ATP13A1: variants seen among roughly 807,000 people sequenced by gnomAD.
The protein encoded by ATP13A1 is endoplasmic reticulum transmembrane helix translocase.
A neutral mutation model predicts 134.8 loss-of-function variants in ATP13A1; 55 were observed. The ratio of observed to expected loss-of-function variants is 0.41; its 90% CI spans 0.33 to 0.51. The LOEUF is 0.51. ATP13A1 is among the 20% of genes least tolerant of loss of function. ATP13A1 has a pLI of 0.29. For missense variants in ATP13A1, 1,389 were observed against 1,652.8 expected (o/e 0.84, Z 2.77); for synonymous variants, 775 against 725.1 (o/e 1.07, Z -1.10).
In ATP13A1 at chr19:19,656,975, G is replaced by T; in HGVS notation, c.906+19C>A. The stretch of plus-strand genomic sequence containing the variant: ...CACCTGTGCTGCACCCCCAACCTGG[G>T]TCTCCCTGGCAGCCACACCTGGATC... On this transcript the variant is annotated intron_variant, in intron 5 of 25. Transcript: ENST00000357324. The surrounding 1 kb of genome is among the most constrained non-coding windows in gnomAD (Gnocchi z 4.6). 1 of 1,603,416 alleles carries T rather than the reference G, an allele frequency of 6.2e-7. No individual in the cohort carries two copies. Among genetic ancestry groups the T allele is most frequent in the Non-Finnish European group, 8.5e-7 (1 of 1,175,056 alleles).
At chr19:19,651,095 C>G (rs1425993656) in intron 17 of ATP13A1, 1 of 149,278 alleles carries the variant, frequency 6.7e-6, no homozygotes, top group East Asian at 1.9e-4. Flanking sequence ...CACTTCTGAG[C>G]CTCTGTCCCT....
Position 19,656,045 on chromosome 19 carries a change from G to C in ATP13A1, c.1213+9C>G. The C allele has an allele frequency of 6.2e-7, 1 of 1,613,454 alleles. No individual in the cohort carries two copies. Among genetic ancestry groups the C allele is most frequent in the Non-Finnish European group, 8.5e-7 (1 of 1,179,640 alleles). ...CCCAGATACCCCCAGACGCCCATGA[G>C]GCACCTACGCTTCAGGCCCGTGGTG... On this transcript the variant is annotated intron_variant, in intron 8 of 25. Coordinates refer to ENST00000357324, the MANE Select transcript of ATP13A1 (RefSeq NM_020410.3). The surrounding 1 kb of genome is among the most constrained non-coding windows in gnomAD (Gnocchi z 4.6).
intron 1 of ATP13A1, chr19:19,663,061 A>G (rs766943291): frequency 6.5e-6 from 5 of 772,332 alleles, no homozygotes; most frequent in African/African-American, 1.7e-5. Flanking sequence ...AGGACTTCAG[A>G]AAAAGGAAAT....
Position 19,645,552 on chromosome 19 carries a change from T to C in ATP13A1, c.3505-20A>G. 6.3e-7 allele frequency: 1 copy of C among 1,577,966 alleles called. No homozygotes were observed. The highest frequency in any genetic ancestry group is 8.6e-7 in the Non-Finnish European group (1 of 1,162,098). On this transcript the variant is annotated intron_variant, in intron 25 of 25. Coordinates refer to ENST00000357324, the MANE Select transcript of ATP13A1 (RefSeq NM_020410.3). This position sits in a 1 kb window ranked among gnomAD's most constrained non-coding sequence, Gnocchi z 4.1. ...CTTGAACTGTCGGGGCAGGGAGGGA[T>C]GGTGAGCTGGAGACCTGCAGCCCAG...
At position 19,647,347 on chromosome 19, in the gene ATP13A1, G is replaced by C; in HGVS notation, c.2909-22C>G. ...CAGACTGCAGGGTGGTGGGGAGGCAGGTGTGGGTGTGGGTAGGGGTGCCAA... is the reference window on the plus strand; with the variant it reads ...CAGACTGCAGGGTGGTGGGGAGGCACGTGTGGGTGTGGGTAGGGGTGCCAA... On this transcript the variant is annotated intron_variant, in intron 21 of 25. Transcript: ENST00000357324. This position sits in a 1 kb window ranked among gnomAD's most constrained non-coding sequence, Gnocchi z 4.8. The C allele has an allele frequency of 6.2e-7, 1 of 1,610,038 alleles. No homozygotes were observed. The highest frequency in any genetic ancestry group is 8.5e-7 in the Non-Finnish European group (1 of 1,177,890).
chr19:19,657,061 A>G lies in ATP13A1; in HGVS notation c.839T>C (p.Leu280Pro). Residue 280 changes from leucine to proline, a missense_variant, in exon 5 of 26, where the codon CTG (leucine) becomes CCG (proline). Physicochemically the swap from Leu to Pro is moderately conservative, Grantham distance 98. This residue lies in a region of ATP13A1 where 747 missense variants were observed against 956.1 expected (regional missense o/e 0.78). Transcript: ENST00000357324. ...CATGTTCCGCATCTGCTGCTGCACCAGCGAGGCCTCGAACGCCACCAGCAT... is the reference window on the plus strand; with the variant it reads ...CATGTTCCGCATCTGCTGCTGCACCGGCGAGGCCTCGAACGCCACCAGCAT... ...LSMLVAFEAS[L>P]VQQQMRNMSE... is the part of the protein sequence containing the mutation. The G allele has an allele frequency of 6.4e-7, 1 of 1,557,230 alleles. No individual in the cohort carries two copies. The highest frequency in any genetic ancestry group is 8.7e-7 in the Non-Finnish European group (1 of 1,151,356).
In ATP13A1 at chr19:19,654,713, G is replaced by A. The variant is rs1043918340; in HGVS notation, c.1656-13C>T. On this transcript the variant is annotated splice_polypyrimidine_tract_variant and intron_variant, in intron 12 of 25. Transcript: ENST00000357324. The stretch of plus-strand genomic sequence containing the variant: ...CTCCTTCCCGTCTCTGCAAGGTCGG[G>A]GAACAGCTGGTTACAGAGTGCAGGC... 2 of 1,606,218 alleles carry A rather than the reference G, an allele frequency of 1.2e-6. No individual in the cohort carries two copies. Among genetic ancestry groups the A allele is most frequent in the Non-Finnish European group, 8.5e-7 (1 of 1,176,618 alleles).
chr19:19,654,472 G>A (rs2062044604), intron 13 of ATP13A1, 71 bp downstream of exon 13: 6 of 1,499,418 alleles, frequency 4.0e-6, no homozygotes, highest in Admixed American at 2.1e-5. Flanking sequence ...TCTGAGGGGT[G>A]CAGCCCACCT....
In ATP13A1 at chr19:19,645,280, T is replaced by TG; in HGVS notation, c.*141dup. 2.2e-6 allele frequency: 2 copies of TG among 916,628 alleles called. No individual in the cohort carries two copies. 56.8% of individuals were successfully genotyped at this position (916,628 alleles called of 1,614,324 possible). A position where few individuals can be genotyped will look rare whatever the true frequency, so the allele number is the denominator to read the frequency against. ...TGCTGGCCAAGCCAGCGGATGGCTG[T>TG]GGGGGTCCCAGCTCAGTCTTCCAAG... On this transcript the variant is annotated 3_prime_UTR_variant, in exon 26 of 26. Transcript: ENST00000357324. The surrounding 1 kb of genome is among the most constrained non-coding windows in gnomAD (Gnocchi z 4.1).
In ATP13A1 at chr19:19,647,055, A is replaced by T. The variant is rs115224154; in HGVS notation, c.3105+74T>A. 2,303 of 1,471,762 alleles carry T rather than the reference A, an allele frequency of 1.6e-3. 33 individuals are homozygous for T. The African/African-American group carries it at 0.027, about 17-fold the overall frequency. 91.2% of individuals were successfully genotyped at this position (1,471,762 alleles called of 1,614,324 possible). On this transcript the variant is annotated intron_variant, in intron 22 of 25. Coordinates refer to ENST00000357324, the MANE Select transcript of ATP13A1 (RefSeq NM_020410.3). The surrounding 1 kb of genome is among the most constrained non-coding windows in gnomAD (Gnocchi z 4.8). ...CTGGGTCCTGTAACTTGGGGATGAC[A>T]ATTCCCGTGCCTATATCAGCCTGGC... is the stretch of plus-strand genomic sequence containing the variant.
At chr19:19,648,853 G>C (rs555592087) in intron 19 of ATP13A1, among the ~76,000 whole-genome samples, 2 of 148,122 alleles carry the variant, frequency 1.4e-5, no homozygotes, top group Non-Finnish European at 3.0e-5. Flanking sequence ...GGGATGCAGT[G>C]GTTCACACCT....
intron 19 of ATP13A1, 87 bp downstream of exon 19, chr19:19,649,480 A>G: frequency 1.4e-6 from 2 of 1,409,776 alleles, no homozygotes; most frequent in Non-Finnish European, 2.0e-6. Context: ...CGTGGCTGTC[A>G]CCAAGGGCCA....
chr19:19,649,538 A>G, intron 19 of ATP13A1, 29 bp downstream of exon 19: 1 of 1,606,416 alleles, frequency 6.2e-7, no homozygotes, highest in South Asian at 1.1e-5. Context: ...CTCGTCCACA[A>G]ACGAAATACC....
In ATP13A1 at chr19:19,649,865, G is replaced by A. The variant is rs748197029; in HGVS notation, c.2411C>T (p.Ala804Val). ...TGTGAGGCACAGTGCGTACTCCAGG[G>A]CCAGTGCCTTTGGGGAGCCCCGGGC... The part of the protein sequence containing the change: ...PLARGSPKAL[A>V]LEYALCLTGD... The change falls in exon 18 of 26, where the codon GCC (alanine) becomes GTC (valine). Residue 804 changes from alanine (A) to valine (V), a missense_variant. Coordinates refer to ENST00000357324, the MANE Select transcript of ATP13A1 (RefSeq NM_020410.3). The A allele has an allele frequency of 2.5e-6, 4 of 1,603,452 alleles. No individual in the cohort carries two copies. Among genetic ancestry groups the A allele is most frequent in the African/African-American group, 1.3e-5 (1 of 75,002 alleles).
intron 3 of ATP13A1, among the ~76,000 whole-genome samples, chr19:19,657,912 G>A (rs2062069662): frequency 6.6e-6 from 1 of 152,116 alleles, no homozygotes; most frequent in Non-Finnish European, 1.5e-5. Context: ...ACTTTGGGAG[G>A]CCGAGGCAGG....
In ATP13A1 at chr19:19,653,792, G is replaced by A. The variant is rs1182278930; in HGVS notation, c.2092C>T (p.His698Tyr). Residue 698 changes from histidine (H) to tyrosine (Y), a missense_variant, in exon 15 of 26, where the codon CAC becomes TAC. His to Tyr is a moderately conservative substitution (Grantham distance 83). Coordinates refer to ENST00000357324, the MANE Select transcript of ATP13A1 (RefSeq NM_020410.3). The surrounding 1 kb of genome is among the most constrained non-coding windows in gnomAD (Gnocchi z 4.2). ...LGYKELGHLTHQQAREVKREA... is the reference protein window; with the variant it reads ...LGYKELGHLTYQQAREVKREA... ...GGAGCCTGGGCCCGTACCTGCTGGT[G>A]AGTGAGGTGTCCCAGCTCCTTGTAC... 6.4e-7 allele frequency: 1 copy of A among 1,551,608 alleles called. No homozygotes were observed. Among genetic ancestry groups the A allele is most frequent in the Admixed American group, 2.0e-5 (1 of 51,038 alleles).
At position 19,655,893 on chromosome 19, in the gene ATP13A1, T is replaced by A. The variant is rs764718161; in HGVS notation, c.1254A>T (p.Gly418=). ...GGCCCCGCACCTGGGATGTGTTGAA[T>A]CCGGTCCGCAGGACGTAGGCCACGC... ...SGCVAYVLRT[G]FNTSQGKLLR... The change falls in exon 9 of 26, where the codon GGA becomes GGT. Residue 418 remains glycine, a synonymous_variant. Coordinates refer to ENST00000357324, the MANE Select transcript of ATP13A1 (RefSeq NM_020410.3). This position sits in a 1 kb window ranked among gnomAD's most constrained non-coding sequence, Gnocchi z 5.7. 7.0e-5 allele frequency: 111 copies of A among 1,591,380 alleles called. No individual in the cohort carries two copies. The highest frequency in any genetic ancestry group is 1.2e-4 in the Admixed American group (7 of 57,934).
chr19:19,661,382 G>A (rs927230991), intron 1 of ATP13A1, among the ~76,000 whole-genome samples: 28 of 152,176 alleles, frequency 1.8e-4, no homozygotes, highest in Non-Finnish European at 3.4e-4. Context: ...GCTCGATCGT[G>A]CCTCAGCAAA....
Position 19,647,727 on chromosome 19 carries a change from C to G in ATP13A1, c.2665G>C (p.Val889Leu). 1 of 1,606,390 alleles carries G rather than the reference C, an allele frequency of 6.2e-7. No homozygotes were observed. The highest frequency in any genetic ancestry group is 8.5e-7 in the Non-Finnish European group (1 of 1,178,692). The change falls in exon 20 of 26, where the codon GTT (valine) becomes CTT (leucine). Residue 889 changes from valine (V) to leucine (L), a missense_variant. Coordinates refer to ENST00000357324, the MANE Select transcript of ATP13A1 (RefSeq NM_020410.3). The surrounding 1 kb of genome is among the most constrained non-coding windows in gnomAD (Gnocchi z 4.8). Reference protein sequence around the residue: ...VALLANAPERVVERRRRPRDS... With the variant: ...VALLANAPERLVERRRRPRDS... ...CGGGGCCGCCGTCGCCGCTCGACAACCCGCTCAGGGGCATTGGCCAAGAGC... is the reference window on the plus strand; with the variant it reads ...CGGGGCCGCCGTCGCCGCTCGACAAGCCGCTCAGGGGCATTGGCCAAGAGC...
Sources: gnomAD v4.1 joint callset for allele counts (sites outside exome capture counted in the v4.1 genomes callset) on GRCh38, gnomAD v4.1.1 for gene constraint, gnomAD v4.1.1 regional missense constraint, Gnocchi (gnomAD v3.1) non-coding constraint, MANE v1.5 for transcripts, NCBI Gene and HGNC (gene_info 2026-07-23, HGNC 2026-07-21) for gene names.